ARMC1: variants seen among roughly 807,000 people sequenced by gnomAD.
ARMC1 encodes the protein armadillo repeat-containing protein 1.
ARMC1 carries 16 observed loss-of-function variants against 31.4 expected under a neutral mutation model. The ratio of observed to expected loss-of-function variants is 0.51; its 90% CI spans 0.34 to 0.77. The LOEUF is 0.77. ARMC1 is among the 30% of genes least tolerant of loss of function. The probability of loss-of-function intolerance (pLI) is 0.01; values close to 1 mark genes in which losing one functional copy is unlikely to be tolerated. For synonymous variants in ARMC1, 114 were observed against 118.9 expected (o/e 0.96, Z 0.27); for missense variants, 259 against 347.5 (o/e 0.75, Z 2.02).
chr8:65,627,686 A>G (rs1231652529), intron 1 of ARMC1, among the ~76,000 whole-genome samples: 1 of 152,250 alleles, frequency 6.6e-6, no homozygotes, highest in Non-Finnish European at 1.5e-5. Flanking sequence ...TTTAGCACAC[A>G]TATTTTAACA....
intron 1 of ARMC1, among the ~76,000 whole-genome samples, chr8:65,629,118 G>A (rs1032955721): frequency 1.3e-5 from 2 of 149,338 alleles, no homozygotes; most frequent in East Asian, 2.0e-4. Flanking sequence ...TTGCGCCATT[G>A]CACTACAGCC....
intron 1 of ARMC1, among the ~76,000 whole-genome samples, chr8:65,628,902 C>T (rs1316502585): frequency 6.6e-6 from 1 of 151,758 alleles, no homozygotes; most frequent in Non-Finnish European, 1.5e-5. Flanking sequence ...GCCTGTAATC[C>T]CAGCACTTTG....
chr8:65,619,792 T>G (rs1454827066), intron 3 of ARMC1, among the ~76,000 whole-genome samples: 2 of 151,914 alleles, frequency 1.3e-5, no homozygotes, highest in Non-Finnish European at 2.9e-5. Flanking sequence ...AAAATCAGCC[T>G]GGCCAACATG....
rs577850521 is a variant in ARMC1 at position 65,633,434 on chromosome 8, A to G, written c.-36+564T>C. ...TAAGAACGCGAAATGGTAAAATCAA[A>G]CACCAGCAATTACCAAACCAGAATA... is the stretch of plus-strand genomic sequence containing the variant. On this transcript the variant is annotated intron_variant, in intron 1 of 6. Coordinates refer to ENST00000276569, the MANE Select transcript of ARMC1 (RefSeq NM_018120.6). Among the ~76,000 whole-genome samples the G allele has an allele frequency of 9.8e-5, 15 of 152,350 alleles. 1 individual carries two copies. Among genetic ancestry groups the G allele is most frequent in the Middle Eastern group, 3.4e-3 (1 of 294 alleles).
chr8:65,627,086 G>A (rs1467641820), intron 2 of ARMC1, 130 bp downstream of exon 2: 1 of 754,046 alleles, frequency 1.3e-6, no homozygotes, highest in Non-Finnish European at 2.1e-6. Flanking sequence ...ACATATGTTT[G>A]TACCTACATA....
At chr8:65,621,569 T>C (rs909282627) in intron 3 of ARMC1, among the ~76,000 whole-genome samples, 5 of 151,860 alleles carry the variant, frequency 3.3e-5, no homozygotes, top group South Asian at 4.2e-4. Flanking sequence ...AGTGCAGTGG[T>C]GGGATCTCAC....
chr8:65,612,345 A>G (rs1159474472), intron 4 of ARMC1, among the ~76,000 whole-genome samples: 1 of 151,746 alleles, frequency 6.6e-6, no homozygotes, highest in Admixed American at 6.6e-5. Flanking sequence ...AGTCCCAGCT[A>G]CTCAGGAGGC....
chr8:65,631,303 C>A (rs13266834), intron 1 of ARMC1, among the ~76,000 whole-genome samples: 96,687 of 152,034 alleles, frequency 0.64, 30,963 homozygotes, highest in African/African-American at 0.69. Context: ...GGTACGATTT[C>A]GGCTTATCAC....
chr8:65,610,744 G>A (rs74597898), intron 4 of ARMC1, among the ~76,000 whole-genome samples: 4,695 of 152,020 alleles, frequency 0.031, 266 homozygotes, highest in African/African-American at 0.11. Context: ...CAGAAAACAT[G>A]CTTCTATCTG....
intron 3 of ARMC1, among the ~76,000 whole-genome samples, chr8:65,618,632 T>C (rs970753159): frequency 7.9e-5 from 12 of 151,146 alleles, no homozygotes; most frequent in African/African-American, 2.9e-4. Flanking sequence ...AAACCATCCA[T>C]TTTCTAACAG....
At chr8:65,616,792 C>G (rs1220590613) in intron 3 of ARMC1, among the ~76,000 whole-genome samples, 4 of 151,964 alleles carry the variant, frequency 2.6e-5, no homozygotes, top group African/African-American at 9.7e-5. Context: ...GCGACCCCGT[C>G]TGGGAGGTGA....
In ARMC1 at chr8:65,603,773, C is replaced by G. The variant is rs1368495162; in HGVS notation, c.*621G>C. The stretch of plus-strand genomic sequence containing the variant: ...TTTATCAAAATTATAATGAATAAGG[C>G]TGCAAAATTTTTGTAGAGTTGTTTT... On this transcript the variant is annotated 3_prime_UTR_variant, in exon 7 of 7. Coordinates refer to ENST00000276569, the MANE Select transcript of ARMC1 (RefSeq NM_018120.6). 6.6e-6 allele frequency: 1 copy of G among 152,380 alleles called. No individual in the cohort carries two copies. Among genetic ancestry groups the G allele is most frequent in the Non-Finnish European group, 1.5e-5 (1 of 68,010 alleles). The allele number at this position is 152,380 out of a possible 1,614,324, so 9.4% of individuals were successfully genotyped here.
chr8:65,622,982 G>A (rs1194559890), intron 2 of ARMC1, among the ~76,000 whole-genome samples: 1 of 149,810 alleles, frequency 6.7e-6, no homozygotes, highest in Non-Finnish European at 1.5e-5. Context: ...CTCCAGCATG[G>A]CAACAGCGAG....
chr8:65,608,969 G>C (rs549939542), intron 4 of ARMC1, among the ~76,000 whole-genome samples: 1 of 152,218 alleles, frequency 6.6e-6, no homozygotes, highest in Non-Finnish European at 1.5e-5. Flanking sequence ...AAACAAATGA[G>C]AGAATCGATG....
intron 2 of ARMC1, among the ~76,000 whole-genome samples, chr8:65,625,484 C>A (rs1318894914): frequency 1.3e-5 from 2 of 152,266 alleles, no homozygotes; most frequent in East Asian, 3.9e-4. Flanking sequence ...ATTATGAGAG[C>A]CTTCCCCTCA....
At chr8:65,616,108 TTC>T (rs1808245773) in intron 3 of ARMC1, among the ~76,000 whole-genome samples, 2 of 151,908 alleles carry the variant, frequency 1.3e-5, no homozygotes, top group South Asian at 4.1e-4. Flanking sequence ...TAAATTATCT[TTC>T]TGTTTTGCAT....
chr8:65,607,585 G>A (rs1051492992), intron 4 of ARMC1, among the ~76,000 whole-genome samples: 1 of 152,128 alleles, frequency 6.6e-6, no homozygotes, highest in African/African-American at 2.4e-5. Context: ...AGAGCAAAAA[G>A]TTTTGCTTTT....
chr8:65,631,072 G>A (rs1808632719), intron 1 of ARMC1, among the ~76,000 whole-genome samples: 2 of 152,174 alleles, frequency 1.3e-5, no homozygotes, highest in South Asian at 4.1e-4. Flanking sequence ...GGCATTTAAA[G>A]GAAGGCAAGA....
At chr8:65,632,182 T>C (rs188896182) in intron 1 of ARMC1, among the ~76,000 whole-genome samples, 1 of 152,172 alleles carries the variant, frequency 6.6e-6, no homozygotes, top group Admixed American at 6.5e-5. Flanking sequence ...CTCAGGCCGG[T>C]AATCCAAGCA....
Sources: allele counts gnomAD v4.1 joint callset (sites outside exome capture counted in the v4.1 genomes callset), GRCh38; gene constraint gnomAD v4.1.1; transcripts MANE v1.5; gene names NCBI Gene and HGNC (gene_info 2026-07-23, HGNC 2026-07-21).